The following RGS5 variants were observed in gnomAD, a reference collection of about 807,000 sequenced individuals.
The protein encoded by RGS5 is regulator of G protein signaling 5.
A neutral mutation model predicts 18.9 loss-of-function variants in RGS5; 20 were observed. That is an observed-to-expected ratio of 1.06 (90% confidence interval 0.74 to 1.54). The LOEUF (loss-of-function observed/expected upper bound fraction) is 1.54, where lower values mean the gene tolerates loss of function less well. Ranked by LOEUF, RGS5 falls within the 40% of genes most tolerant of loss-of-function variation. RGS5 has a pLI of 0.00. For synonymous variants in RGS5, 57 were observed against 76.2 expected (o/e 0.75, Z 1.31); for missense variants, 201 against 211.8 (o/e 0.95, Z 0.32).
intron 1 of RGS5, among the ~76,000 whole-genome samples, chr1:163,315,677 C>A (rs1044711996): frequency 6.6e-6 from 1 of 152,088 alleles, no homozygotes; most frequent in East Asian, 1.9e-4. Flanking sequence ...TACTGTATTG[C>A]AAATGTACAG....
intron 2 of RGS5, among the ~76,000 whole-genome samples, chr1:163,224,429 C>T (rs545971000): frequency 2.0e-5 from 3 of 152,172 alleles, no homozygotes; most frequent in Non-Finnish European, 4.4e-5. Flanking sequence ...ATATATACCA[C>T]ATTTTTTGTA....
chr1:163,149,576 T>G (rs1047382541), intron 4 of RGS5, among the ~76,000 whole-genome samples: 7 of 152,242 alleles, frequency 4.6e-5, no homozygotes, highest in Admixed American at 6.5e-5. Context: ...ATCTGTTTAG[T>G]TATCCAGAAA....
At chr1:163,269,062 C>T (rs1212354305) in intron 2 of RGS5, among the ~76,000 whole-genome samples, 1 of 152,092 alleles carries the variant, frequency 6.6e-6, no homozygotes, top group East Asian at 1.9e-4. Context: ...GGAATAAAGA[C>T]CAGGGATTGC....
Position 163,232,067 on chromosome 1 carries a change from T to C in RGS5, c.-280-63699A>G, listed in dbSNP as rs531285150. 8.6e-5 allele frequency among the ~76,000 whole-genome samples: 13 copies of C among 152,014 alleles called. 1 individual carries two copies. The highest frequency in any genetic ancestry group is 3.1e-4 in the African/African-American group (13 of 41,492). On this transcript the variant is annotated intron_variant, in intron 2 of 5. Transcript: ENST00000618415. ...CCTTGGGTGATTAATTTACTTTTAT[T>C]AGGACTCCATTGCTTTGTTTTGTTT...
At chr1:163,240,868 A>G (rs975136734) in intron 2 of RGS5, among the ~76,000 whole-genome samples, 2 of 152,174 alleles carry the variant, frequency 1.3e-5, no homozygotes, top group African/African-American at 4.8e-5. Flanking sequence ...CTGGGTGAAT[A>G]TACTTGTCAA....
chr1:163,280,952 A>C (rs934211533), intron 2 of RGS5, among the ~76,000 whole-genome samples: 1 of 152,038 alleles, frequency 6.6e-6, no homozygotes, highest in Non-Finnish European at 1.5e-5. Flanking sequence ...CTGCATCCCC[A>C]CCCAAATCTA....
intron 2 of RGS5, among the ~76,000 whole-genome samples, chr1:163,264,432 AAACTCTAAGT>A (rs919263826): frequency 3.3e-5 from 5 of 152,300 alleles, no homozygotes; most frequent in African/African-American, 1.2e-4. Context: ...ACCACACTGT[AAACTCTAAGT>A]TGAATAAAAG....
intron 1 of RGS5, chr1:163,212,851 C>T (rs558031621): frequency 9.1e-4 from 138 of 152,314 alleles, no homozygotes; most frequent in African/African-American, 3.2e-3. Flanking sequence ...TATTCATCAA[C>T]TATTAATCTC....
intron 2 of RGS5, among the ~76,000 whole-genome samples, chr1:163,258,079 C>T (rs1372513653): frequency 6.6e-6 from 1 of 152,112 alleles, no homozygotes; most frequent in East Asian, 1.9e-4. Context: ...AAGTTTGATC[C>T]TACATTGAAA....
At chr1:163,207,757 A>G (rs1188298938), upstream of RGS5, among the ~76,000 whole-genome samples, 1 of 152,208 alleles carries the variant, frequency 6.6e-6, no homozygotes, top group Admixed American at 6.5e-5. Flanking sequence ...ATTGTTGCAG[A>G]AGCAGTTAAA....
At chr1:163,263,953 T>C (rs1476699332) in intron 2 of RGS5, among the ~76,000 whole-genome samples, 1 of 151,666 alleles carries the variant, frequency 6.6e-6, no homozygotes, top group Non-Finnish European at 1.5e-5. Flanking sequence ...ACCTATGGTG[T>C]ATGGCTGAGG....
chr1:163,158,514 C>A (rs1657675207), intron 3 of RGS5, among the ~76,000 whole-genome samples: 1 of 152,138 alleles, frequency 6.6e-6, no homozygotes, highest in Non-Finnish European at 1.5e-5. Flanking sequence ...AGAGAGAAAT[C>A]TTAAAGCTTG....
At chr1:163,225,116 G>A (rs980609171) in intron 2 of RGS5, among the ~76,000 whole-genome samples, 3 of 152,116 alleles carry the variant, frequency 2.0e-5, no homozygotes, top group African/African-American at 7.2e-5. Context: ...ATCAAATAAT[G>A]AAGTGTTTCC....
At chr1:163,179,125 A>G (rs568263065) in intron 1 of RGS5, among the ~76,000 whole-genome samples, 61 of 152,336 alleles carry the variant, frequency 4.0e-4, no homozygotes, top group Admixed American at 8.5e-4. Flanking sequence ...CAAGTGGAAC[A>G]TTGAACTCTT....
At position 163,270,289 on chromosome 1, in the gene RGS5, C is replaced by G. The variant is rs190343624; in HGVS notation, c.-281+35944G>C. Reference sequence around the variant, plus strand: ...CACTTTGGGAGACTGAAGCAGGAGGCTCGCTTGAGCCCAAGAGTTAGAGAC... The same window carrying G: ...CACTTTGGGAGACTGAAGCAGGAGGGTCGCTTGAGCCCAAGAGTTAGAGAC... On this transcript the variant is annotated intron_variant, in intron 2 of 5. Transcript: ENST00000618415. 6.4e-3 allele frequency among the ~76,000 whole-genome samples: 956 copies of G among 148,436 alleles called. 4 individuals are homozygous for G. The highest frequency in any genetic ancestry group is 9.4e-3 in the Non-Finnish European group (633 of 67,496).
intron 2 of RGS5, among the ~76,000 whole-genome samples, chr1:163,162,530 G>A (rs554408368): frequency 4.2e-5 from 6 of 142,630 alleles, no homozygotes; most frequent in East Asian, 2.1e-4. Flanking sequence ...TGTTAAAAAC[G>A]TAGGCGCATT....
chr1:163,233,838 G>A (rs1045852211), intron 2 of RGS5, among the ~76,000 whole-genome samples: 1 of 152,210 alleles, frequency 6.6e-6, no homozygotes, highest in Non-Finnish European at 1.5e-5. Context: ...TATCACAAGG[G>A]CAGGGAGGGT....
intron 1 of RGS5, among the ~76,000 whole-genome samples, chr1:163,198,736 G>A (rs1557901774): frequency 6.6e-6 from 1 of 152,074 alleles, no homozygotes; most frequent in Non-Finnish European, 1.5e-5. Flanking sequence ...GGCTCAAGCA[G>A]TCCTCTCACC....
intron 2 of RGS5, among the ~76,000 whole-genome samples, chr1:163,246,229 A>T (rs1160262588): frequency 1.3e-5 from 2 of 150,106 alleles, no homozygotes; most frequent in Non-Finnish European, 3.0e-5. Flanking sequence ...TTAAAAAAAA[A>T]AAAATTAATT....
Sources: gnomAD v4.1 joint callset for allele counts (sites outside exome capture counted in the v4.1 genomes callset) on GRCh38, gnomAD v4.1.1 for gene constraint, MANE v1.5 for transcripts, NCBI Gene and HGNC (gene_info 2026-07-23, HGNC 2026-07-21) for gene names.